Variants in GRID1 observed in about 807,000 individuals in gnomAD.
GRID1 encodes the protein glutamate receptor ionotropic, delta-1.
GRID1 carries 28 observed loss-of-function variants against 98.0 expected under a neutral mutation model. That is an observed-to-expected ratio of 0.29 (90% confidence interval 0.21 to 0.39). The LOEUF is 0.39. GRID1 is among the 10% of genes least tolerant of loss of function. The probability of loss-of-function intolerance (pLI) is 1.00; values close to 1 mark genes in which losing one functional copy is unlikely to be tolerated. For missense variants in GRID1, 1,111 were observed against 1,340.5 expected, an observed-to-expected ratio of 0.83 and a Z score of 2.67; for synonymous variants, 553 against 538.5, an observed-to-expected ratio of 1.03 and a Z score of -0.37.
intron 4 of GRID1, among the ~76,000 whole-genome samples, chr10:86,079,771 G>A (rs887724335): frequency 3.9e-5 from 6 of 152,196 alleles, no homozygotes; most frequent in Non-Finnish European, 8.8e-5. Context: ...ACCAGAGCAT[G>A]TCAGACACTT....
intron 13 of GRID1, among the ~76,000 whole-genome samples, chr10:85,629,009 C>T (rs975655965): frequency 5.9e-5 from 9 of 152,196 alleles, no homozygotes; most frequent in Middle Eastern, 3.4e-3. Context: ...GCAGGACAAC[C>T]GAGAAGATGG....
At chr10:86,129,970 C>T (rs994966322) in intron 4 of GRID1, among the ~76,000 whole-genome samples, 2 of 152,248 alleles carry the variant, frequency 1.3e-5, no homozygotes, top group African/African-American at 4.8e-5. Context: ...AGCACTCACA[C>T]TTGGTCTCCT....
At chr10:86,231,135 G>A (rs2132035917) in intron 2 of GRID1, among the ~76,000 whole-genome samples, 1 of 152,306 alleles carries the variant, frequency 6.6e-6, no homozygotes, top group South Asian at 2.1e-4. Context: ...TTCCAGAAGG[G>A]GCCTGTGATA....
chr10:86,068,055 C>T (rs940354635), intron 4 of GRID1, among the ~76,000 whole-genome samples: 12 of 152,188 alleles, frequency 7.9e-5, no homozygotes, highest in Admixed American at 6.5e-4. Context: ...TTGTGCCTGG[C>T]TCTGTGTTAG....
At chr10:85,679,306 T>G (rs1398149607) in intron 12 of GRID1, among the ~76,000 whole-genome samples, 1 of 152,236 alleles carries the variant, frequency 6.6e-6, no homozygotes, top group Non-Finnish European at 1.5e-5. Context: ...ATATGACTCC[T>G]GTCGAAGGCT....
chr10:85,773,081 A>G (rs1219999156), intron 8 of GRID1, among the ~76,000 whole-genome samples: 1 of 152,240 alleles, frequency 6.6e-6, no homozygotes, highest in African/African-American at 2.4e-5. Flanking sequence ...TCAATAAAAT[A>G]CTGGCAAACC....
chr10:86,115,294 C>T (rs1317173392), intron 4 of GRID1, among the ~76,000 whole-genome samples: 2 of 152,090 alleles, frequency 1.3e-5, no homozygotes, highest in Non-Finnish European at 2.9e-5. Context: ...ATTGAGGCAC[C>T]ACTGCTGCAT....
intron 13 of GRID1, among the ~76,000 whole-genome samples, chr10:85,643,361 A>G (rs1564686917): frequency 6.6e-6 from 1 of 152,058 alleles, no homozygotes; most frequent in African/African-American, 2.4e-5. Flanking sequence ...ATAATACCCT[A>G]CTTGCTGGAT....
intron 12 of GRID1, among the ~76,000 whole-genome samples, chr10:85,694,581 T>G (rs1397413639): frequency 1.2e-4 from 11 of 89,484 alleles, no homozygotes; most frequent in African/African-American, 6.6e-4. Context: ...TATATATATA[T>G]ATATATATAT....
intron 5 of GRID1, among the ~76,000 whole-genome samples, chr10:85,878,084 G>C (rs545424594): frequency 1.5e-4 from 23 of 152,284 alleles, no homozygotes; most frequent in African/African-American, 5.3e-4. Context: ...CGAATAAAAA[G>C]AAAGGAACAA....
At chr10:86,007,400 AC>A (rs968017460) in intron 4 of GRID1, among the ~76,000 whole-genome samples, 2 of 151,824 alleles carry the variant, frequency 1.3e-5, no homozygotes, top group South Asian at 4.2e-4. Context: ...ACCGCTCCGC[AC>A]CCCCCCACCT....
chr10:86,306,886 G>A (rs751479301), intron 2 of GRID1, among the ~76,000 whole-genome samples: 10 of 152,210 alleles, frequency 6.6e-5, no homozygotes, highest in Admixed American at 2.0e-4. Flanking sequence ...CCTTTGTTGC[G>A]ATACAGTTGG....
intron 12 of GRID1, among the ~76,000 whole-genome samples, chr10:85,691,429 A>G (rs1012961894): frequency 2.6e-5 from 4 of 151,814 alleles, no homozygotes; most frequent in African/African-American, 9.7e-5. Flanking sequence ...CTTGTCTCTT[A>G]CCCCTCTGAT....
At chr10:86,265,637 A>G (rs1368269813) in intron 2 of GRID1, among the ~76,000 whole-genome samples, 2 of 152,194 alleles carry the variant, frequency 1.3e-5, no homozygotes, top group Admixed American at 6.5e-5. Flanking sequence ...GCAGCCATAG[A>G]GGTTGGAGGG....
chr10:85,988,536 G>A (rs1162874201), intron 4 of GRID1, among the ~76,000 whole-genome samples: 2 of 152,130 alleles, frequency 1.3e-5, no homozygotes, highest in East Asian at 3.9e-4. Context: ...TAGACCCCTG[G>A]GCCTAGGGGG....
intron 6 of GRID1, among the ~76,000 whole-genome samples, chr10:85,858,888 C>G (rs1344441288): frequency 6.6e-6 from 1 of 152,202 alleles, no homozygotes; most frequent in African/African-American, 2.4e-5. Flanking sequence ...CACTTCTATT[C>G]ACAATCAATT....
At chr10:86,205,584 G>C (rs1366194410) in intron 3 of GRID1, among the ~76,000 whole-genome samples, 1 of 152,188 alleles carries the variant, frequency 6.6e-6, no homozygotes, top group Non-Finnish European at 1.5e-5. Context: ...GGGGGAACCT[G>C]GGTGAAGGGC....
At chr10:85,670,877 G>T (rs527545403) in intron 12 of GRID1, among the ~76,000 whole-genome samples, 2 of 152,108 alleles carry the variant, frequency 1.3e-5, no homozygotes, top group Admixed American at 6.5e-5. Flanking sequence ...TAGATGGTTT[G>T]CCACTCCTCC....
Position 86,076,774 on chromosome 10 carries a change from G to A in GRID1, c.726+62045C>T, listed in dbSNP as rs1207561597. 3.7e-5 allele frequency among the ~76,000 whole-genome samples: 5 copies of A among 136,978 alleles called. 1 individual carries two copies. Among genetic ancestry groups the A allele is most frequent in the African/African-American group, 8.1e-5 (3 of 37,064 alleles). 89.9% of individuals were successfully genotyped at this position (136,978 alleles called of 152,430 possible). A position where few individuals can be genotyped will look rare whatever the true frequency, so the allele number is the denominator to read the frequency against. On this transcript the variant is annotated intron_variant, in intron 4 of 15. Transcript: ENST00000327946. ...ATTGGTTCCTTCTGAGGGCTGTGAG[G>A]GGGATTTGTCCCTGCCTTTGTACTA...
Sources: gnomAD v4.1 joint callset for allele counts (sites outside exome capture counted in the v4.1 genomes callset) on GRCh38, gnomAD v4.1.1 for gene constraint, MANE v1.5 for transcripts, NCBI Gene and HGNC (gene_info 2026-07-23, HGNC 2026-07-21) for gene names.